OSBPL6: variants seen among roughly 807,000 people sequenced by gnomAD.
The protein encoded by OSBPL6 is oxysterol binding protein like 6.
In OSBPL6, 49 loss-of-function variants were observed where a neutral mutation model predicts 125.8. That is an observed-to-expected ratio of 0.39 (90% confidence interval 0.31 to 0.49). OSBPL6 has a LOEUF of 0.49. Among genes scored for constraint, OSBPL6 ranks in the 20% least tolerant of loss-of-function variants. OSBPL6 has a pLI of 0.88. For missense variants in OSBPL6, 986 were observed against 1,135.4 expected (o/e 0.87, Z 1.89); for synonymous variants, 394 against 391.8 (o/e 1.01, Z -0.07).
intron 1 of OSBPL6, among the ~76,000 whole-genome samples, chr2:178,242,574 TG>T: frequency 6.6e-6 from 1 of 152,312 alleles, no homozygotes; most frequent in Non-Finnish European, 1.5e-5. Flanking sequence ...GGTGGAAGTT[TG>T]CATTGAACAA....
At chr2:178,307,865 G>C (rs1176574872) in intron 3 of OSBPL6, among the ~76,000 whole-genome samples, 1 of 152,124 alleles carries the variant, frequency 6.6e-6, no homozygotes, top group Non-Finnish European at 1.5e-5. Flanking sequence ...TCTATCATGC[G>C]TTGTTATTCT....
chr2:178,365,116 C>T (rs2154100647), intron 13 of OSBPL6, among the ~76,000 whole-genome samples: 1 of 152,162 alleles, frequency 6.6e-6, no homozygotes, highest in East Asian at 1.9e-4. Context: ...GTGGAGGTTG[C>T]AATGAGCTGA....
intron 1 of OSBPL6, among the ~76,000 whole-genome samples, chr2:178,206,686 C>T (rs2089550371): frequency 6.6e-6 from 1 of 152,110 alleles, no homozygotes; most frequent in Admixed American, 6.5e-5. Context: ...ACGATCTCGG[C>T]TCACTGCAAC....
chr2:178,328,126 G>A (rs1688858848), intron 4 of OSBPL6, 130 bp from the exon 5 acceptor site: 10 of 1,218,514 alleles, frequency 8.2e-6, no homozygotes, highest in African/African-American at 1.5e-5. Flanking sequence ...AATTTGCTCC[G>A]GAATGTTGTT....
intron 2 of OSBPL6, among the ~76,000 whole-genome samples, chr2:178,298,793 A>G (rs1037486280): frequency 1.3e-5 from 2 of 150,994 alleles, no homozygotes; most frequent in African/African-American, 2.4e-5. Flanking sequence ...GTTCAAGGAC[A>G]TTTTTAACCC....
intron 1 of OSBPL6, among the ~76,000 whole-genome samples, chr2:178,263,198 G>T (rs184262438): frequency 6.6e-6 from 1 of 152,206 alleles, no homozygotes; most frequent in Non-Finnish European, 1.5e-5. Flanking sequence ...GTCTGTCAAG[G>T]CCAGGCGCAG....
In OSBPL6 at chr2:178,382,281, G is replaced by A. The variant is rs1459521693; in HGVS notation, c.1534-139G>A. The A allele has an allele frequency of 3.7e-6, 4 of 1,071,428 alleles. No homozygotes were observed. In the East Asian group the frequency reaches 1.1e-4, roughly 28 times the overall value. The allele number at this position is 1,071,428 out of a possible 1,614,324, so 66.4% of individuals were successfully genotyped here. A position where few individuals can be genotyped will look rare whatever the true frequency, so the allele number is the denominator to read the frequency against. Reference sequence around the variant, plus strand: ...TCATGAAGACCCTCAAGTGTTCATTGCACATATGTCAAATACTTTTCCCTC... The same window carrying A: ...TCATGAAGACCCTCAAGTGTTCATTACACATATGTCAAATACTTTTCCCTC... On this transcript the variant is annotated intron_variant, in intron 15 of 24. Transcript: ENST00000190611.
chr2:178,291,665 T>TCTTCCTTCCTTC (rs71023439), intron 2 of OSBPL6, among the ~76,000 whole-genome samples: 12,553 of 135,370 alleles, frequency 0.093, 776 homozygotes, highest in Non-Finnish European at 0.12. Context: ...ACAGGTAGTC[T>TCTTCCTTCCTTC]CTTCCTTCCT....
intron 11 of OSBPL6, among the ~76,000 whole-genome samples, chr2:178,348,555 T>A (rs575144126): frequency 2.0e-5 from 3 of 152,236 alleles, no homozygotes; most frequent in African/African-American, 7.2e-5. Flanking sequence ...CTTTTTCTAC[T>A]TACTGCTTCT....
chr2:178,381,604 C>T (rs1021320859), intron 15 of OSBPL6, among the ~76,000 whole-genome samples: 4 of 152,172 alleles, frequency 2.6e-5, no homozygotes, highest in Non-Finnish European at 5.9e-5. Flanking sequence ...CTGCCTGCCT[C>T]AGCCTCCCAA....
chr2:178,278,900 A>T (rs1196742864), intron 1 of OSBPL6, among the ~76,000 whole-genome samples: 1 of 152,252 alleles, frequency 6.6e-6, no homozygotes, highest in Non-Finnish European at 1.5e-5. Flanking sequence ...TGTACTGTGT[A>T]TTGTGCTACA....
intron 11 of OSBPL6, among the ~76,000 whole-genome samples, chr2:178,345,554 A>G (rs17354481): frequency 6.6e-6 from 1 of 152,246 alleles, no homozygotes; most frequent in Non-Finnish European, 1.5e-5. Context: ...TGGTCCATGT[A>G]TATCTTATGC....
At chr2:178,281,560 G>A (rs977877276) in intron 1 of OSBPL6, among the ~76,000 whole-genome samples, 4 of 152,106 alleles carry the variant, frequency 2.6e-5, no homozygotes, top group Admixed American at 2.6e-4. Flanking sequence ...TGTCACGTTT[G>A]TCAGAGATCC....
intron 1 of OSBPL6, among the ~76,000 whole-genome samples, chr2:178,252,802 T>C (rs1469713084): frequency 3.3e-5 from 5 of 152,160 alleles, no homozygotes; most frequent in African/African-American, 1.2e-4. Flanking sequence ...CTTGATGAAA[T>C]AACTTCATGA....
At chr2:178,252,053 G>A (rs2091714516) in intron 1 of OSBPL6, among the ~76,000 whole-genome samples, 1 of 152,178 alleles carries the variant, frequency 6.6e-6, no homozygotes, top group Non-Finnish European at 1.5e-5. Context: ...ACTTGGAGAT[G>A]GCACGGGCTG....
chr2:178,331,742 C>T (rs1440708139), intron 6 of OSBPL6, 137 bp downstream of exon 6: 1 of 840,596 alleles, frequency 1.2e-6, no homozygotes, highest in African/African-American at 1.7e-5. Flanking sequence ...TCACAAGCTC[C>T]CAAACCTCCA....
At chr2:178,348,867 G>T (rs529012358) in intron 11 of OSBPL6, among the ~76,000 whole-genome samples, 39 of 152,326 alleles carry the variant, frequency 2.6e-4, no homozygotes, top group Admixed American at 3.9e-4. Context: ...GTAAGAGAAG[G>T]TCAGCTACAT....
At chr2:178,220,247 C>A (rs540760489) in intron 1 of OSBPL6, among the ~76,000 whole-genome samples, 1 of 152,250 alleles carries the variant, frequency 6.6e-6, no homozygotes, top group South Asian at 2.1e-4. Context: ...CCTCCACCCC[C>A]ACCCCTGCCT....
chr2:178,383,101 A>G lies in OSBPL6; in HGVS notation c.1699A>G (p.Ser567Gly), dbSNP rs1559320125. Reference sequence around the variant, plus strand: ...CCTGCCAGCTCCTTGTCCTGACACCAGTAACATTAACCTGTGGAATATCTT... The same window carrying G: ...CCTGCCAGCTCCTTGTCCTGACACCGGTAACATTAACCTGTGGAATATCTT... ...ACLPAPCPDT[S>G]NINLWNILRN... is the part of the protein sequence containing the mutation. The change falls in exon 17 of 25, where the codon AGT becomes GGT. Residue 567 changes from serine to glycine, a missense_variant. Ser to Gly is a moderately conservative substitution (Grantham distance 56). This residue lies in a region of OSBPL6 where 843 missense variants were observed against 997.3 expected (regional missense o/e 0.85). Transcript: ENST00000190611. 8.7e-6 allele frequency: 14 copies of G among 1,614,232 alleles called. No individual in the cohort carries two copies. Among genetic ancestry groups the G allele is most frequent in the Middle Eastern group, 1.6e-4 (1 of 6,062 alleles).
Sources: allele counts gnomAD v4.1 joint callset (sites outside exome capture counted in the v4.1 genomes callset), GRCh38; gene constraint gnomAD v4.1.1; regional missense constraint gnomAD v4.1.1; transcripts MANE v1.5; gene names NCBI Gene and HGNC (gene_info 2026-07-23, HGNC 2026-07-21).